The following WDR37 variants were observed in gnomAD, a reference collection of about 807,000 sequenced individuals.
WDR37 encodes WD repeat domain 37.
Under a neutral mutation model 62.9 loss-of-function variants are expected in WDR37, and 19 were observed. The observed-to-expected ratio is 0.30, with a 90% confidence interval of 0.21 to 0.44. WDR37 has a LOEUF of 0.44. Among genes scored for constraint, WDR37 ranks in the 20% least tolerant of loss-of-function variants. WDR37 has a pLI of 1.00. For synonymous variants in WDR37, 250 were observed against 260.9 expected (o/e 0.96, Z 0.40); for missense variants, 474 against 657.6 (o/e 0.72, Z 3.05).
chr10:1,074,570 C>T (rs1328219104), intron 2 of WDR37: 1 of 1,288,710 alleles, frequency 7.8e-7, no homozygotes, highest in Non-Finnish European at 1.0e-6. Context: ...GGTGAGTGGC[C>T]CCCGTGAGGT....
At chr10:1,068,669 A>G (rs1236809797) in intron 1 of WDR37, among the ~76,000 whole-genome samples, 1 of 152,218 alleles carries the variant, frequency 6.6e-6, no homozygotes, top group Admixed American at 6.5e-5. Context: ...CCACCCTGGA[A>G]AATACTGATA....
chr10:1,121,713 C>T lies in WDR37; in HGVS notation c.1104-2505C>T, dbSNP rs1466081728. Among the ~76,000 whole-genome samples, 7 of 152,206 alleles carry T rather than the reference C, an allele frequency of 4.6e-5. No homozygotes were observed. Among genetic ancestry groups the T allele is most frequent in the Admixed American group, 4.6e-4 (7 of 15,290 alleles). ...GCCTGGGCAGGGCGGCTGCTACATCCACAGGCCAGGATGCTGCACCACAGG... is the reference window on the plus strand; with the variant it reads ...GCCTGGGCAGGGCGGCTGCTACATCTACAGGCCAGGATGCTGCACCACAGG... On this transcript the variant is annotated intron_variant, in intron 11 of 13. Coordinates refer to ENST00000263150, the MANE Select transcript of WDR37 (RefSeq NM_014023.4). This position sits in a 1 kb window ranked among gnomAD's most constrained non-coding sequence, Gnocchi z 4.5.
intron 11 of WDR37, among the ~76,000 whole-genome samples, chr10:1,119,451 T>C (rs1835504412): frequency 6.6e-6 from 1 of 152,258 alleles, no homozygotes; most frequent in Admixed American, 6.5e-5. Flanking sequence ...GAACTAAATG[T>C]TCTCTTTGAA....
intron 6 of WDR37, among the ~76,000 whole-genome samples, chr10:1,085,174 C>T (rs970501229): frequency 2.0e-5 from 3 of 152,032 alleles, no homozygotes. Context: ...GGGGTTTCAC[C>T]GTTTAGCTAG....
At chr10:1,094,005 C>T (rs1205109755) in intron 8 of WDR37, among the ~76,000 whole-genome samples, 2 of 152,056 alleles carry the variant, frequency 1.3e-5, no homozygotes, top group South Asian at 2.1e-4. Context: ...GTCGCTTTTT[C>T]GAGGGTAGCC....
At chr10:1,102,134 G>T (rs541795748) in intron 9 of WDR37, among the ~76,000 whole-genome samples, 9 of 150,756 alleles carry the variant, frequency 6.0e-5, no homozygotes, top group Non-Finnish European at 1.2e-4. Context: ...GCGTCCCTGT[G>T]ACGTGGGAAC....
intron 7 of WDR37, among the ~76,000 whole-genome samples, chr10:1,091,787 G>A (rs557754821): frequency 1.5e-4 from 23 of 152,324 alleles, no homozygotes; most frequent in African/African-American, 2.9e-4. Context: ...ATTTATGTGC[G>A]TGCTTGTGGT....
Position 1,129,496 on chromosome 10 carries a change from G to A in WDR37, c.*152G>A. 8.7e-7 allele frequency: 1 copy of A among 1,154,728 alleles called. No homozygotes were observed. The highest frequency in any genetic ancestry group is 1.2e-6 in the Non-Finnish European group (1 of 835,212). The allele number at this position is 1,154,728 out of a possible 1,614,324, so 71.5% of individuals were successfully genotyped here. On this transcript the variant is annotated 3_prime_UTR_variant, in exon 14 of 14. Coordinates refer to ENST00000263150, the MANE Select transcript of WDR37 (RefSeq NM_014023.4). ...TTTTCACATAGTGCCCAGCTTGCAT[G>A]AAATGTACAGAGAAATGTGTGGTCG...
At chr10:1,069,493 T>C (rs1219728064) in intron 1 of WDR37, among the ~76,000 whole-genome samples, 1 of 150,418 alleles carries the variant, frequency 6.6e-6, no homozygotes, top group Non-Finnish European at 1.5e-5. Context: ...TGTTGATACA[T>C]GCAGAAAATT....
At chr10:1,087,458 A>G (rs1467772678) in intron 7 of WDR37, among the ~76,000 whole-genome samples, 1 of 152,238 alleles carries the variant, frequency 6.6e-6, no homozygotes, top group Admixed American at 6.5e-5. Flanking sequence ...AAAACTTAAG[A>G]CTTGAAAATC....
chr10:1,072,745 C>G (rs1589081722), intron 2 of WDR37, among the ~76,000 whole-genome samples: 1 of 152,240 alleles, frequency 6.6e-6, no homozygotes, highest in East Asian at 1.9e-4. Flanking sequence ...CAAATTCCCC[C>G]AAAATAAACT....
At chr10:1,111,397 T>C (rs1372100644) in intron 11 of WDR37, among the ~76,000 whole-genome samples, 4 of 152,222 alleles carry the variant, frequency 2.6e-5, no homozygotes, top group Non-Finnish European at 5.9e-5. Flanking sequence ...CCACTTTCTT[T>C]TTTTTCTTAC....
intron 1 of WDR37, among the ~76,000 whole-genome samples, chr10:1,071,682 A>G (rs866588075): frequency 6.6e-5 from 10 of 152,296 alleles, no homozygotes; most frequent in Middle Eastern, 3.4e-3. Context: ...AAGTAATTTC[A>G]TATGCTTTTA....
chr10:1,073,907 C>T (rs997187517), intron 2 of WDR37, among the ~76,000 whole-genome samples: 2 of 152,266 alleles, frequency 1.3e-5, no homozygotes, highest in South Asian at 2.1e-4. Flanking sequence ...CAAACACAGT[C>T]GCATGCTGAG....
chr10:1,119,744 C>T (rs1198901139), intron 11 of WDR37, among the ~76,000 whole-genome samples: 1 of 152,252 alleles, frequency 6.6e-6, no homozygotes, highest in Non-Finnish European at 1.5e-5. Context: ...ACCTCCTCCT[C>T]TTCTGCACAC....
intron 2 of WDR37, among the ~76,000 whole-genome samples, chr10:1,074,673 A>G (rs1238977999): frequency 3.9e-5 from 6 of 152,204 alleles, no homozygotes; most frequent in Non-Finnish European, 8.8e-5. Context: ...ATCTCAGAAC[A>G]GGGAGGTGTT....
At chr10:1,107,074 C>T (rs1835046381) in intron 11 of WDR37, among the ~76,000 whole-genome samples, 1 of 152,248 alleles carries the variant, frequency 6.6e-6, no homozygotes, top group Admixed American at 6.5e-5. Flanking sequence ...TGTGTTGTTG[C>T]TGCATCAGGG....
At chr10:1,095,764 C>T (rs1261423321) in intron 8 of WDR37, among the ~76,000 whole-genome samples, 5 of 152,102 alleles carry the variant, frequency 3.3e-5, no homozygotes, top group African/African-American at 9.7e-5. Flanking sequence ...ATTGAAAGGC[C>T]GCGTGTGTGT....
At position 1,103,279 on chromosome 10, in the gene WDR37, GA is replaced by G. The variant is rs1414177410; in HGVS notation, c.727-320del. Reference sequence around the variant, plus strand: ...TATTGCATTTCTACTAGTAACTGATGAAAGCTTAAATGTTGAAAATCATTTT... The same window carrying G: ...TATTGCATTTCTACTAGTAACTGATGAAGCTTAAATGTTGAAAATCATTTT... On this transcript the variant is annotated intron_variant, in intron 9 of 13. Coordinates refer to ENST00000263150, the MANE Select transcript of WDR37 (RefSeq NM_014023.4). This position sits in a 1 kb window ranked among gnomAD's most constrained non-coding sequence, Gnocchi z 6.3. Among the ~76,000 whole-genome samples the G allele has an allele frequency of 2.6e-5, 4 of 152,206 alleles. No homozygotes were observed. The highest frequency in any genetic ancestry group is 5.9e-5 in the Non-Finnish European group (4 of 68,034).
Sources: allele counts gnomAD v4.1 joint callset (sites outside exome capture counted in the v4.1 genomes callset), GRCh38; gene constraint gnomAD v4.1.1; non-coding constraint Gnocchi (gnomAD v3.1); transcripts MANE v1.5; gene names NCBI Gene and HGNC (gene_info 2026-07-23, HGNC 2026-07-21).